The following KCNH7 variants were observed in gnomAD, a reference collection of about 807,000 sequenced individuals.
The protein encoded by KCNH7 is voltage-gated inwardly rectifying potassium channel KCNH7.
KCNH7 carries 49 observed loss-of-function variants against 120.8 expected under a neutral mutation model. That is an observed-to-expected ratio of 0.41 (90% confidence interval 0.32 to 0.51). KCNH7 has a LOEUF of 0.51. Among genes scored for constraint, KCNH7 ranks in the 20% least tolerant of loss-of-function variants. The probability of loss-of-function intolerance (pLI) is 0.38; values close to 1 mark genes in which losing one functional copy is unlikely to be tolerated. For synonymous variants in KCNH7, 547 were observed against 516.1 expected (o/e 1.06, Z -0.81); for missense variants, 1,097 against 1,446.6 (o/e 0.76, Z 3.92).
chr2:162,470,982 C>G (rs1406873766), intron 6 of KCNH7, among the ~76,000 whole-genome samples: 2 of 152,116 alleles, frequency 1.3e-5, no homozygotes, highest in African/African-American at 4.8e-5. Context: ...GTGCTGTGTC[C>G]ACTCAGGGTT....
intron 6 of KCNH7, among the ~76,000 whole-genome samples, chr2:162,453,574 C>A (rs1688850253): frequency 6.6e-6 from 1 of 152,156 alleles, no homozygotes; most frequent in Non-Finnish European, 1.5e-5. Context: ...ATTTACACTC[C>A]CACCAACAGT....
chr2:162,558,521 T>TG (rs1336647518), intron 2 of KCNH7, among the ~76,000 whole-genome samples: 3 of 150,412 alleles, frequency 2.0e-5, no homozygotes, highest in Non-Finnish European at 4.4e-5. Flanking sequence ...TTTTTTTTTT[T>TG]TTTTGCCGAA....
intron 2 of KCNH7, among the ~76,000 whole-genome samples, chr2:162,736,313 T>A (rs961159122): frequency 6.6e-6 from 1 of 152,258 alleles, no homozygotes; most frequent in African/African-American, 2.4e-5. Context: ...ATTAAAGTTA[T>A]GTTTTTGCAT....
At chr2:162,528,301 T>C (rs969289389) in intron 3 of KCNH7, 10 of 152,000 alleles carry the variant, frequency 6.6e-5, no homozygotes, top group African/African-American at 2.4e-4. Context: ...TTTCCAGTCT[T>C]CACTTCTCTC....
At chr2:162,591,548 A>G (rs1033446663) in intron 2 of KCNH7, among the ~76,000 whole-genome samples, 3 of 152,062 alleles carry the variant, frequency 2.0e-5, no homozygotes, top group Non-Finnish European at 4.4e-5. Flanking sequence ...AATAGCAAGT[A>G]CCTTCATAGT....
At chr2:162,737,510 T>A (rs1687957759) in intron 2 of KCNH7, among the ~76,000 whole-genome samples, 1 of 152,068 alleles carries the variant, frequency 6.6e-6, no homozygotes, top group Non-Finnish European at 1.5e-5. Flanking sequence ...AATATAGAAC[T>A]TTAGCTATAT....
chr2:162,396,036 T>C (rs533821955), intron 11 of KCNH7, among the ~76,000 whole-genome samples: 9 of 151,842 alleles, frequency 5.9e-5, no homozygotes, highest in Admixed American at 3.9e-4. Context: ...AACCTAGTAA[T>C]AAATTTTTGG....
intron 3 of KCNH7, among the ~76,000 whole-genome samples, chr2:162,524,135 A>C (rs1459501036): frequency 6.6e-6 from 1 of 151,996 alleles, no homozygotes; most frequent in Non-Finnish European, 1.5e-5. Flanking sequence ...GAGTACTCTC[A>C]TGGGTTATGG....
chr2:162,817,233 C>T (rs965873813), intron 2 of KCNH7, among the ~76,000 whole-genome samples: 1 of 152,140 alleles, frequency 6.6e-6, no homozygotes, highest in Non-Finnish European at 1.5e-5. Context: ...CTTAACCCCC[C>T]GTCCTAGAGG....
chr2:162,651,860 C>T (rs1684577908), intron 2 of KCNH7, among the ~76,000 whole-genome samples: 1 of 152,182 alleles, frequency 6.6e-6, no homozygotes, highest in Non-Finnish European at 1.5e-5. Flanking sequence ...TCCTCACCAG[C>T]ATCTGCTATT....
chr2:162,567,297 C>A (rs989553168), intron 2 of KCNH7, among the ~76,000 whole-genome samples: 4 of 151,984 alleles, frequency 2.6e-5, no homozygotes, highest in Admixed American at 1.3e-4. Context: ...TTTTTACTCT[C>A]TTTTCTTCCT....
intron 2 of KCNH7, among the ~76,000 whole-genome samples, chr2:162,709,079 C>A (rs1686827525): frequency 6.6e-6 from 1 of 151,994 alleles, no homozygotes; most frequent in Non-Finnish European, 1.5e-5. Flanking sequence ...GTTGTTGTAA[C>A]CCTACTATGC....
chr2:162,778,946 C>CTA (rs550042179), intron 2 of KCNH7, among the ~76,000 whole-genome samples: 47 of 136,492 alleles, frequency 3.4e-4, no homozygotes, highest in Non-Finnish European at 6.4e-4. Flanking sequence ...GGAACAAATT[C>CTA]TTTTTTTTTT....
At chr2:162,604,338 T>A (rs1694659360) in intron 2 of KCNH7, among the ~76,000 whole-genome samples, 2 of 152,132 alleles carry the variant, frequency 1.3e-5, no homozygotes, top group African/African-American at 4.8e-5. Flanking sequence ...AATAATGGAT[T>A]GTTGAGGAGT....
At chr2:162,558,338 C>A (rs1574099789) in intron 2 of KCNH7, among the ~76,000 whole-genome samples, 1 of 152,070 alleles carries the variant, frequency 6.6e-6, no homozygotes, top group South Asian at 2.1e-4. Flanking sequence ...CCATGCCCAG[C>A]TAATTTTTTG....
intron 2 of KCNH7, among the ~76,000 whole-genome samples, chr2:162,589,755 A>G (rs1171431527): frequency 2.0e-5 from 3 of 152,128 alleles, no homozygotes; most frequent in Admixed American, 2.0e-4. Context: ...AATTTAACAT[A>G]AGAAGACACC....
intron 2 of KCNH7, 88 bp from the exon 3 acceptor site, chr2:162,537,168 G>T: frequency 1.0e-6 from 1 of 1,004,642 alleles, no homozygotes; most frequent in Non-Finnish European, 1.4e-6. Flanking sequence ...TACTCTTAAG[G>T]AAATTTGTAT....
At chr2:162,411,146 T>G (rs1413293921) in intron 9 of KCNH7, among the ~76,000 whole-genome samples, 8 of 152,124 alleles carry the variant, frequency 5.3e-5, no homozygotes, top group Admixed American at 5.2e-4. Flanking sequence ...AAAGGACACA[T>G]GCACTTGTAT....
rs1282008352 is a variant in KCNH7 at position 162,446,051 on chromosome 2, A to T, written c.1521T>A (p.Phe507Leu). Reference protein sequence around the residue: ...FLIDMVAAIPFDLLIFGSGSD... With the variant: ...FLIDMVAAIPLDLLIFGSGSD... ...AACCTGATCCAAAAATCAGCAAGTCAAAAGGAATTGCTGCAACCATGTCAA... is the reference window on the plus strand; with the variant it reads ...AACCTGATCCAAAAATCAGCAAGTCTAAAGGAATTGCTGCAACCATGTCAA... Residue 507 changes from phenylalanine to leucine, a missense_variant, in exon 7 of 16, where the codon TTT (phenylalanine) becomes TTA (leucine). Physicochemically the swap from Phe to Leu is conservative, Grantham distance 22. Around this residue, in one of 8 missense-constraint regions of KCNH7, gnomAD observed 109 missense variants for 196.8 expected, o/e 0.55. Coordinates refer to ENST00000332142, the MANE Select transcript of KCNH7 (RefSeq NM_033272.4). The T allele has an allele frequency of 6.2e-7, 1 of 1,613,628 alleles. No individual in the cohort carries two copies.
Sources: allele counts gnomAD v4.1 joint callset (sites outside exome capture counted in the v4.1 genomes callset), GRCh38; gene constraint gnomAD v4.1.1; regional missense constraint gnomAD v4.1.1; transcripts MANE v1.5; gene names NCBI Gene and HGNC (gene_info 2026-07-23, HGNC 2026-07-21).